The following PALLD variants were observed in gnomAD, a reference collection of about 807,000 sequenced individuals.
PALLD encodes the protein palladin, cytoskeletal associated protein, also known as palladin.
Under a neutral mutation model 123.5 loss-of-function variants are expected in PALLD, and 61 were observed. The ratio of observed to expected loss-of-function variants is 0.49; its 90% CI spans 0.40 to 0.61. The LOEUF (loss-of-function observed/expected upper bound fraction) is 0.61, where lower values mean the gene tolerates loss of function less well. PALLD is among the 20% of genes least tolerant of loss of function. PALLD has a pLI of 0.00. For synonymous variants in PALLD, 465 were observed against 496.4 expected (o/e 0.94, Z 0.84); for missense variants, 1,273 against 1,377.0 (o/e 0.92, Z 1.20).
intron 8 of PALLD, among the ~76,000 whole-genome samples, chr4:168,699,453 C>CT (rs1783467795): frequency 6.6e-6 from 1 of 150,490 alleles, no homozygotes; most frequent in South Asian, 2.1e-4. Flanking sequence ...GCTCAGAGTT[C>CT]TTTTTTACCA....
chr4:168,860,667 C>G (rs1029521276), intron 10 of PALLD, among the ~76,000 whole-genome samples: 1 of 152,146 alleles, frequency 6.6e-6, no homozygotes, highest in Admixed American at 6.5e-5. Context: ...TACTAAAATA[C>G]AAAAATTATC....
intron 10 of PALLD, among the ~76,000 whole-genome samples, chr4:168,745,581 TTATG>T (rs1730177320): frequency 6.6e-6 from 1 of 152,186 alleles, no homozygotes; most frequent in Non-Finnish European, 1.5e-5. Flanking sequence ...TGGATTTTGT[TTATG>T]TATGGTTGCA....
At chr4:168,785,399 T>G (rs1736573043) in intron 10 of PALLD, among the ~76,000 whole-genome samples, 1 of 152,178 alleles carries the variant, frequency 6.6e-6, no homozygotes, top group Non-Finnish European at 1.5e-5. Flanking sequence ...CCTTATCTTC[T>G]CTACAAATAC....
chr4:168,906,187 G>A (rs1757763242), intron 15 of PALLD, among the ~76,000 whole-genome samples: 1 of 152,054 alleles, frequency 6.6e-6, no homozygotes, highest in African/African-American at 2.4e-5. Flanking sequence ...ATTATCTGTG[G>A]TCCTTACGTA....
chr4:168,851,429 G>A (rs898004400), intron 10 of PALLD, among the ~76,000 whole-genome samples: 17 of 151,116 alleles, frequency 1.1e-4, no homozygotes, highest in African/African-American at 3.2e-4. Flanking sequence ...GTGCAATGGC[G>A]CAATCTCGGC....
At chr4:168,910,739 C>T (rs1183921672) in intron 15 of PALLD, among the ~76,000 whole-genome samples, 1 of 152,154 alleles carries the variant, frequency 6.6e-6, no homozygotes, top group African/African-American at 2.4e-5. Context: ...AAGTCACTCA[C>T]CTGTAAGGGA....
At chr4:168,776,101 T>C (rs1478956990) in intron 10 of PALLD, among the ~76,000 whole-genome samples, 2 of 152,244 alleles carry the variant, frequency 1.3e-5, no homozygotes, top group Non-Finnish European at 2.9e-5. Flanking sequence ...CAAGGTTATT[T>C]TGAACTTATA....
intron 2 of PALLD, among the ~76,000 whole-genome samples, chr4:168,563,908 A>G (rs751891784): frequency 3.9e-5 from 6 of 152,230 alleles, no homozygotes; most frequent in Non-Finnish European, 2.9e-5. Flanking sequence ...TAATTTTGTG[A>G]CATGCATAGA....
At chr4:168,735,995 T>C (rs1184633353) in intron 10 of PALLD, among the ~76,000 whole-genome samples, 2 of 152,202 alleles carry the variant, frequency 1.3e-5, no homozygotes, top group African/African-American at 4.8e-5. Context: ...GGAAACAGCA[T>C]AGAAAGACCC....
At chr4:168,629,136 C>A (rs1775577868) in intron 2 of PALLD, among the ~76,000 whole-genome samples, 1 of 151,870 alleles carries the variant, frequency 6.6e-6, no homozygotes, top group Admixed American at 6.6e-5. Context: ...CCTGCCTCAG[C>A]CTCCCAAGTA....
chr4:168,498,820 T>G (rs1031037890), intron 1 of PALLD, among the ~76,000 whole-genome samples: 1 of 152,170 alleles, frequency 6.6e-6, no homozygotes, highest in Admixed American at 6.5e-5. Flanking sequence ...AAATGGATAA[T>G]TCAGAAGTAA....
chr4:168,519,963 G>A (rs1763368457), intron 2 of PALLD, among the ~76,000 whole-genome samples: 1 of 151,486 alleles, frequency 6.6e-6, no homozygotes, highest in Admixed American at 6.6e-5. Flanking sequence ...TATATTTTGC[G>A]GAGGACAATA....
At chr4:168,629,471 G>T (rs182435756) in intron 2 of PALLD, among the ~76,000 whole-genome samples, 9 of 152,240 alleles carry the variant, frequency 5.9e-5, no homozygotes, top group African/African-American at 2.2e-4. Context: ...GGAGACTGTG[G>T]TGCATGTACT....
intron 19 of PALLD, 106 bp from the exon 20 acceptor site, chr4:168,924,839 C>G: frequency 9.0e-7 from 1 of 1,110,640 alleles, no homozygotes; most frequent in Non-Finnish European, 1.4e-6. Flanking sequence ...CTATTATCAG[C>G]TACTTGCACA....
intron 10 of PALLD, among the ~76,000 whole-genome samples, chr4:168,797,565 T>C (rs576300463): frequency 3.0e-4 from 45 of 152,132 alleles, no homozygotes; most frequent in Non-Finnish European, 4.7e-4. Flanking sequence ...AGAAACTAGA[T>C]TTGTGAGAAC....
intron 10 of PALLD, among the ~76,000 whole-genome samples, chr4:168,806,253 A>AG (rs1419265546): frequency 6.6e-6 from 1 of 152,162 alleles, no homozygotes; most frequent in Non-Finnish European, 1.5e-5. Flanking sequence ...TAGTAGAGAC[A>AG]GGGTTTCACC....
chr4:168,865,847 C>T (rs768091858), intron 10 of PALLD, among the ~76,000 whole-genome samples: 1 of 152,026 alleles, frequency 6.6e-6, no homozygotes, highest in Non-Finnish European at 1.5e-5. Flanking sequence ...TACTATACTG[C>T]AAAGATATGA....
intron 10 of PALLD, chr4:168,832,111 A>C: frequency 1.0e-6 from 1 of 985,390 alleles, no homozygotes; most frequent in Non-Finnish European, 1.2e-6. Flanking sequence ...AGCCCGCTGC[A>C]GCTCCCGCTC....
intron 10 of PALLD, among the ~76,000 whole-genome samples, chr4:168,786,344 A>G (rs1736760677): frequency 6.6e-6 from 1 of 151,974 alleles, no homozygotes; most frequent in South Asian, 2.1e-4. Flanking sequence ...AAAAAGAAGT[A>G]TACTATTTTC....
Sources: allele counts gnomAD v4.1 joint callset (sites outside exome capture counted in the v4.1 genomes callset), GRCh38; gene constraint gnomAD v4.1.1; transcripts MANE v1.5; gene names NCBI Gene and HGNC (gene_info 2026-07-23, HGNC 2026-07-21).